PCDHA11: variants seen among roughly 807,000 people sequenced by gnomAD.
PCDHA11 encodes protocadherin alpha 11.
PCDHA11 carries 61 observed loss-of-function variants against 70.3 expected under a neutral mutation model. The observed-to-expected ratio is 0.87, with a 90% CI of 0.71 to 1.07. PCDHA11 has a LOEUF of 1.07. PCDHA11 is among the 50% of genes least tolerant of loss of function. The pLI, the probability that PCDHA11 is intolerant of heterozygous loss-of-function variation, is 0.00. For synonymous variants in PCDHA11, 633 were observed against 555.1 expected, an observed-to-expected ratio of 1.14 and a Z score of -1.97; for missense variants, 1,324 against 1,237.5, an observed-to-expected ratio of 1.07 and a Z score of -1.05.
chr5:140,965,029 A>G (rs1252337885), intron 1 of PCDHA11, among the ~76,000 whole-genome samples: 2 of 152,178 alleles, frequency 1.3e-5, no homozygotes, highest in Non-Finnish European at 2.9e-5. Context: ...GGCTCCTTTA[A>G]CTGTCCGCTC....
At chr5:140,924,902 A>T (rs1484044152) in intron 1 of PCDHA11, among the ~76,000 whole-genome samples, 1 of 39,026 alleles carries the variant, frequency 2.6e-5, no homozygotes, top group African/African-American at 7.6e-5. Context: ...CTCAAAAAAA[A>T]AAATAAAATA....
intron 3 of PCDHA11, among the ~76,000 whole-genome samples, chr5:141,008,894 A>G (rs782674482): frequency 9.9e-5 from 15 of 152,254 alleles, no homozygotes; most frequent in Non-Finnish European, 1.8e-4. Context: ...TGTTATTACA[A>G]TAAAATTAAG....
chr5:140,929,410 CACA>C (rs2153600762), intron 1 of PCDHA11: 2 of 1,505,808 alleles, frequency 1.3e-6, no homozygotes, highest in East Asian at 2.3e-5. Context: ...ACAAGCCTTT[CACA>C]ACATTTCATC....
Position 140,969,193 on chromosome 5 carries a change from C to T in PCDHA11, c.2392-9756C>T, listed in dbSNP as rs1232655466. The T allele has an allele frequency of 8.1e-6, 13 of 1,614,002 alleles. No homozygotes were observed. In the African/African-American group the frequency reaches 1.2e-4, roughly 15 times the overall value. ...CAGGGAGTGACACTTTCATGTTTTA[C>T]AATACAGGGGCCCAGACAGGACCAG... is the stretch of plus-strand genomic sequence containing the variant. On this transcript the variant is annotated intron_variant, in intron 1 of 3. Transcript: ENST00000398640.
At chr5:140,929,331 C>G in intron 1 of PCDHA11, 1 of 1,534,960 alleles carries the variant, frequency 6.5e-7, no homozygotes, top group Non-Finnish European at 8.8e-7. Context: ...CCATGGTAAG[C>G]AAATTTTATG....
chr5:141,003,638 G>C (rs2098132492), intron 3 of PCDHA11, among the ~76,000 whole-genome samples: 1 of 152,118 alleles, frequency 6.6e-6, no homozygotes, highest in Admixed American at 6.6e-5. Flanking sequence ...TAAAGTAGAA[G>C]TGAAGATCTG....
chr5:141,000,393 C>A (rs60881126), intron 3 of PCDHA11, among the ~76,000 whole-genome samples: 1,562 of 52,558 alleles, frequency 0.03, 14 homozygotes, highest in East Asian at 0.037. Context: ...CTCTCTCTCT[C>A]TCTATATATA....
intron 2 of PCDHA11, among the ~76,000 whole-genome samples, chr5:140,981,776 A>T (rs908868836): frequency 2.4e-4 from 36 of 151,980 alleles, no homozygotes; most frequent in African/African-American, 8.0e-4. Context: ...TGAATACTGC[A>T]CCATGTTCTC....
chr5:140,950,646 G>T (rs1221939583), intron 1 of PCDHA11, among the ~76,000 whole-genome samples: 2 of 151,884 alleles, frequency 1.3e-5, no homozygotes, highest in African/African-American at 4.8e-5. Context: ...TCCTGTTTAT[G>T]GTTGGCTGAG....
intron 3 of PCDHA11, among the ~76,000 whole-genome samples, chr5:140,989,801 G>A (rs1554251107): frequency 1.3e-5 from 2 of 152,184 alleles, no homozygotes; most frequent in Non-Finnish European, 1.5e-5. Context: ...CCCAGGAAAG[G>A]GCCATAAGAT....
chr5:140,930,768 C>G (rs1049798577), intron 1 of PCDHA11, among the ~76,000 whole-genome samples: 2 of 152,094 alleles, frequency 1.3e-5, no homozygotes, highest in South Asian at 2.1e-4. Context: ...ATTTTCTGTA[C>G]TTAATATTTT....
rs1445004841 is a variant in PCDHA11 at position 140,870,589 on chromosome 5, C to A, written c.1486C>A (p.Arg496=). ...GCTGGTGTCCTACTCGCTGGTGGAG[C>A]GGCGGTTGGGCGACCGCGCGCTGTC... The part of the protein sequence containing the change: ...NALVSYSLVE[R]RLGDRALSSY... Residue 496 remains arginine, a synonymous_variant, in exon 1 of 4, where the codon CGG becomes AGG. Transcript: ENST00000398640. 1.9e-5 allele frequency: 30 copies of A among 1,613,510 alleles called. No homozygotes were observed. The highest frequency in any genetic ancestry group is 2.5e-5 in the Non-Finnish European group (30 of 1,179,920).
intron 1 of PCDHA11, among the ~76,000 whole-genome samples, chr5:140,963,188 G>A (rs1333064851): frequency 6.6e-6 from 1 of 151,712 alleles, no homozygotes; most frequent in African/African-American, 2.4e-5. Context: ...GCTGTAGACT[G>A]TGAAAATGAA....
intron 1 of PCDHA11, among the ~76,000 whole-genome samples, chr5:140,917,013 A>G (rs565656440): frequency 2.6e-4 from 39 of 152,080 alleles, no homozygotes; most frequent in Non-Finnish European, 4.6e-4. Context: ...ATCTCCCTTC[A>G]TGTGCAGCTG....
chr5:140,884,819 A>G (rs782729760), intron 1 of PCDHA11: 398 of 1,018,150 alleles, frequency 3.9e-4, no homozygotes, highest in Admixed American at 1.1e-3. Context: ...TGTGGACATT[A>G]TGTGTTGGAT....
chr5:140,939,424 A>G lies in PCDHA11; in HGVS notation c.2392-39525A>G, dbSNP rs186047779. 5.0e-4 allele frequency among the ~76,000 whole-genome samples: 76 copies of G among 152,290 alleles called. 1 individual carries two copies. Among genetic ancestry groups the G allele is most frequent in the Admixed American group, 1.3e-4 (2 of 15,302 alleles). On this transcript the variant is annotated intron_variant, in intron 1 of 3. Coordinates refer to ENST00000398640, the MANE Select transcript of PCDHA11 (RefSeq NM_018902.5). ...GTGTAAATCAGCATTTTTTTCTTCC[A>G]TAAGCATTTGAAGAATTAAGAGTGA...
At chr5:140,882,844 A>G in intron 1 of PCDHA11, 1 of 1,614,248 alleles carries the variant, frequency 6.2e-7, no homozygotes, top group Non-Finnish European at 8.5e-7. Flanking sequence ...TGTCTTCATT[A>G]TCACTTGTAC....
At chr5:140,919,110 C>T (rs1274257448) in intron 1 of PCDHA11, among the ~76,000 whole-genome samples, 3 of 152,118 alleles carry the variant, frequency 2.0e-5, no homozygotes, top group Non-Finnish European at 2.9e-5. Flanking sequence ...TTCATTTCTG[C>T]CAGTTTTTGC....
chr5:140,940,666 A>G (rs1398290925), intron 1 of PCDHA11, among the ~76,000 whole-genome samples: 1 of 152,176 alleles, frequency 6.6e-6, no homozygotes, highest in Non-Finnish European at 1.5e-5. Flanking sequence ...TTAAATCTTC[A>G]TCTGATAATT....
Sources: gnomAD v4.1 joint callset for allele counts (sites outside exome capture counted in the v4.1 genomes callset) on GRCh38, gnomAD v4.1.1 for gene constraint, MANE v1.5 for transcripts, NCBI Gene and HGNC (gene_info 2026-07-23, HGNC 2026-07-21) for gene names.